The following TSPEAR variants were observed in gnomAD, a reference collection of about 807,000 sequenced individuals.
TSPEAR encodes the protein thrombospondin-type laminin G domain and EAR repeat-containing protein.
In TSPEAR, 69 loss-of-function variants were observed where a neutral mutation model predicts 71.6. The ratio of observed to expected loss-of-function variants is 0.96; its 90% CI spans 0.79 to 1.18. TSPEAR has a LOEUF of 1.18. Ranked by LOEUF, TSPEAR falls within the 50% of genes most tolerant of loss-of-function variation. The pLI, the probability that TSPEAR is intolerant of heterozygous loss-of-function variation, is 0.00. For synonymous variants in TSPEAR, 402 were observed against 387.2 expected (o/e 1.04, Z -0.45); for missense variants, 971 against 894.9 (o/e 1.09, Z -1.09).
rs138752361 is a variant in TSPEAR, at chr21:44,612,921, G to A, written c.83-44916C>T. ...CAGGAGTCCAGCTGCTGATGGGCAC[G>A]TCCCCCAGGGCCAGCCGGCTCCGGT... On this transcript the variant is annotated intron_variant, in intron 1 of 11. Coordinates refer to ENST00000323084, the MANE Select transcript of TSPEAR (RefSeq NM_144991.3). This position sits in a 1 kb window ranked among gnomAD's most constrained non-coding sequence, Gnocchi z 4.1. 0.016 allele frequency: 25,631 copies of A among 1,601,078 alleles called. 240 individuals carry two copies. The highest frequency in any genetic ancestry group is 0.019 in the Non-Finnish European group (22,612 of 1,175,122).
rs11910078 is a variant in TSPEAR, at chr21:44,530,903, G to A, written c.633+140C>T. Reference sequence around the variant, plus strand: ...AAACAGCAAGCGTGAAGGCCCTGTGGTAGAGACTCCACGCACGCTGTACCT... The same window carrying A: ...AAACAGCAAGCGTGAAGGCCCTGTGATAGAGACTCCACGCACGCTGTACCT... On this transcript the variant is annotated intron_variant, in intron 4 of 11. Coordinates refer to ENST00000323084, the MANE Select transcript of TSPEAR (RefSeq NM_144991.3). 9,980 of 730,864 alleles carry A rather than the reference G, an allele frequency of 0.014. 707 individuals carry two copies. The African/African-American group carries it at 0.15, about 11-fold the overall frequency. 45.3% of individuals were successfully genotyped at this position (730,864 alleles called of 1,614,324 possible).
intron 9 of TSPEAR, chr21:44,509,747 A>C: frequency 3.5e-6 from 1 of 284,042 alleles, no homozygotes; most frequent in Non-Finnish European, 6.9e-6. Flanking sequence ...TGTTAGTGCC[A>C]GCTGTGCCCA....
intron 1 of TSPEAR, among the ~76,000 whole-genome samples, chr21:44,626,226 C>T (rs1376005954): frequency 3.3e-5 from 5 of 152,284 alleles, no homozygotes; most frequent in Non-Finnish European, 7.3e-5. Flanking sequence ...TAGCAATGTT[C>T]CTGGAAAGTG....
At chr21:44,662,012 A>G (rs781974560) in intron 1 of TSPEAR, among the ~76,000 whole-genome samples, 15 of 152,212 alleles carry the variant, frequency 9.9e-5, no homozygotes, top group Admixed American at 7.9e-4. Flanking sequence ...TATAAAAGGG[A>G]ATAACTAAGA....
At chr21:44,649,926 TAA>T (rs1454857725) in intron 1 of TSPEAR, among the ~76,000 whole-genome samples, 1 of 151,988 alleles carries the variant, frequency 6.6e-6, no homozygotes, top group East Asian at 1.9e-4. Flanking sequence ...AGTGTCCCCT[TAA>T]AAAAAGACAT....
In TSPEAR at chr21:44,550,433, C is replaced by T. The variant is rs1331840788; in HGVS notation, c.304-16510G>A. 8 of 647,118 alleles carry T rather than the reference C, an allele frequency of 1.2e-5. No homozygotes were observed. In the East Asian group the frequency reaches 1.7e-4, roughly 14 times the overall value. 40.1% of individuals were successfully genotyped at this position (647,118 alleles called of 1,614,324 possible). A position where few individuals can be genotyped will look rare whatever the true frequency, so the allele number is the denominator to read the frequency against. On this transcript the variant is annotated intron_variant, in intron 2 of 11. Transcript: ENST00000323084. ...GGGGTGAGACCCAGGTCAGGAGGGC[C>T]CATCCCCAACCAGCGACCAGCGACC...
In TSPEAR at chr21:44,687,779, T is replaced by C. The variant is rs974077438; in HGVS notation, c.82+23654A>G. Among the ~76,000 whole-genome samples, 13 of 152,192 alleles carry C rather than the reference T, an allele frequency of 8.5e-5. No homozygotes were observed. The highest frequency in any genetic ancestry group is 1.8e-4 in the Non-Finnish European group (12 of 68,042). Reference sequence around the variant, plus strand: ...GGCCTGGGTGAGCTGTGTTGACAGATTGGCAAACTTCGTCAAATGATACCC... The same window carrying C: ...GGCCTGGGTGAGCTGTGTTGACAGACTGGCAAACTTCGTCAAATGATACCC... On this transcript the variant is annotated intron_variant, in intron 1 of 11. Transcript: ENST00000323084. The surrounding 1 kb of genome is among the most constrained non-coding windows in gnomAD (Gnocchi z 4.4).
At chr21:44,609,718 T>A (rs1981537943) in intron 1 of TSPEAR, among the ~76,000 whole-genome samples, 1 of 152,162 alleles carries the variant, frequency 6.6e-6, no homozygotes, top group Admixed American at 6.5e-5. Flanking sequence ...GGGAAAAACA[T>A]AAACAAAAAC....
In TSPEAR at chr21:44,591,225, T is replaced by C. The variant is rs1601455442; in HGVS notation, c.83-23220A>G. On this transcript the variant is annotated intron_variant, in intron 1 of 11. Transcript: ENST00000323084. ...CTGGGGGAGTAGCTGGGGTCTCTCA[T>C]GCAGCCAGCATCTGGGAAGGACAGG... 3.5e-6 allele frequency: 5 copies of C among 1,417,190 alleles called. No individual in the cohort carries two copies. The East Asian group carries it at 1.2e-4, about 35-fold the overall frequency. The allele number at this position is 1,417,190 out of a possible 1,614,324, so 87.8% of individuals were successfully genotyped here.
intron 1 of TSPEAR, among the ~76,000 whole-genome samples, chr21:44,582,799 T>A (rs1979073213): frequency 6.6e-6 from 1 of 150,824 alleles, no homozygotes; most frequent in Non-Finnish European, 1.5e-5. Context: ...TTTCTTTCTT[T>A]CTCTCTTTCT....
At position 44,498,268 on chromosome 21, in the gene TSPEAR, G is replaced by A. The variant is rs2051966217; in HGVS notation, c.*1515C>T. The stretch of plus-strand genomic sequence containing the variant: ...TTTCTTCTTGGTTGAGTGAATTGGG[G>A]TGTCGAGTTTTTAATCTTCCTTTCA... On this transcript the variant is annotated 3_prime_UTR_variant, in exon 12 of 12. Coordinates refer to ENST00000323084, the MANE Select transcript of TSPEAR (RefSeq NM_144991.3). 6.6e-6 allele frequency: 1 copy of A among 152,246 alleles called. No individual in the cohort carries two copies. The highest frequency in any genetic ancestry group is 2.1e-4 in the South Asian group (1 of 4,824). The allele number at this position is 152,246 out of a possible 1,614,324, so 9.4% of individuals were successfully genotyped here.
At chr21:44,576,542 C>T (rs77353192) in intron 1 of TSPEAR, among the ~76,000 whole-genome samples, 1 of 149,526 alleles carries the variant, frequency 6.7e-6, no homozygotes, top group East Asian at 1.9e-4. Flanking sequence ...GTGAACATGC[C>T]CATGGTTTTC....
chr21:44,658,009 C>A (rs1352642151), intron 1 of TSPEAR: 3 of 1,613,764 alleles, frequency 1.9e-6, no homozygotes, highest in Non-Finnish European at 2.5e-6. Flanking sequence ...CCCCAGCCTG[C>A]CAGCCAACCT....
intron 1 of TSPEAR, chr21:44,681,824 G>A (rs782349053): frequency 2.0e-5 from 32 of 1,603,092 alleles, no homozygotes; most frequent in Admixed American, 3.3e-5. Flanking sequence ...CGGGTCTGGA[G>A]ATTCATGCTC....
intron 1 of TSPEAR, among the ~76,000 whole-genome samples, chr21:44,575,755 A>G (rs1233594099): frequency 6.6e-6 from 1 of 152,116 alleles, no homozygotes; most frequent in Non-Finnish European, 1.5e-5. Context: ...ATTGCCTAAA[A>G]CCTCTTGTGC....
intron 2 of TSPEAR, among the ~76,000 whole-genome samples, chr21:44,554,789 G>A (rs2053499954): frequency 6.6e-6 from 1 of 152,128 alleles, no homozygotes. Flanking sequence ...ATCTTTAAAT[G>A]TGGCTGTTAT....
chr21:44,677,249 G>A lies in TSPEAR; in HGVS notation c.82+34184C>T, dbSNP rs1986358087. ...CTTCTTTGGCTTTGAGAAGGGCATT[G>A]GCAGCTTCATCTACTGCCTTTCTGT... On this transcript the variant is annotated intron_variant, in intron 1 of 11. Transcript: ENST00000323084. 4 of 721,444 alleles carry A rather than the reference G, an allele frequency of 5.5e-6. No individual in the cohort carries two copies. In the South Asian group the frequency reaches 6.3e-5, roughly 11 times the overall value. 44.7% of individuals were successfully genotyped at this position (721,444 alleles called of 1,614,324 possible).
chr21:44,676,993 C>G, intron 1 of TSPEAR: 2 of 919,564 alleles, frequency 2.2e-6, no homozygotes, highest in Non-Finnish European at 3.6e-6. Flanking sequence ...TCCTTTCCAC[C>G]CAGGAAGGAC....
Position 44,508,614 on chromosome 21 carries a change from G to T in TSPEAR, c.1754+585C>A, listed in dbSNP as rs1555912200. ...CTCAGTGCCCACTGTCCAAAATGTG[G>T]TGCCCACGCAACCTCCTGTGGCTCC... On this transcript the variant is annotated intron_variant, in intron 10 of 11. Transcript: ENST00000323084. The T allele has an allele frequency of 2.5e-6, 3 of 1,181,742 alleles. No individual in the cohort carries two copies. In the East Asian group the frequency reaches 1.8e-4, roughly 70 times the overall value. 73.2% of individuals were successfully genotyped at this position (1,181,742 alleles called of 1,614,324 possible).
Sources: allele counts gnomAD v4.1 joint callset (sites outside exome capture counted in the v4.1 genomes callset), GRCh38; gene constraint gnomAD v4.1.1; non-coding constraint Gnocchi (gnomAD v3.1); transcripts MANE v1.5; gene names NCBI Gene and HGNC (gene_info 2026-07-23, HGNC 2026-07-21).